KCNA5: variants seen among roughly 807,000 people sequenced by gnomAD.
KCNA5 encodes cardiac potassium channel.
Under a neutral mutation model 26.5 loss-of-function variants are expected in KCNA5, and 22 were observed. That is an observed-to-expected ratio of 0.83 (90% CI 0.59 to 1.18). The LOEUF (loss-of-function observed/expected upper bound fraction) is 1.18, where lower values mean the gene tolerates loss of function less well. Ranked by LOEUF, KCNA5 falls within the 50% of genes most tolerant of loss-of-function variation. KCNA5 has a pLI of 0.00. For missense variants in KCNA5, 916 were observed against 843.2 expected (o/e 1.09, Z -1.07); for synonymous variants, 465 against 372.8 (o/e 1.25, Z -2.85).
In KCNA5 at chr12:5,044,933, C is replaced by A; in HGVS notation, c.786C>A (p.Ile262=). 6.2e-7 allele frequency: 1 copy of A among 1,613,792 alleles called. No individual in the cohort carries two copies. Among genetic ancestry groups the A allele is most frequent in the Non-Finnish European group, 8.5e-7 (1 of 1,179,984 alleles). ...IAIVSVLVIL[I]SIITFCLETL... ...TCGTCTCGGTCTTGGTTATCCTCAT[C>A]TCCATCATCACCTTCTGCTTGGAGA... Residue 262 remains isoleucine (I), a synonymous_variant, in exon 1 of 1, where the codon ATC becomes ATA. Coordinates refer to ENST00000252321, the MANE Select transcript of KCNA5 (RefSeq NM_002234.4).
Position 5,045,797 on chromosome 12 carries a change from A to G in KCNA5, c.1650A>G (p.Arg550=), listed in dbSNP as rs762958451. 3 of 1,614,130 alleles carry G rather than the reference A, an allele frequency of 1.9e-6. No homozygotes were observed. In the East Asian group the frequency reaches 6.7e-5, roughly 36 times the overall value. ...AGAGCCAGGGGCCGGGGCTGGACAG[A>G]GGAGTCCAGCGGAAGGTCAGCGGGA... ...GTQSQGPGLD[R]GVQRKVSGSR... Residue 550 remains arginine (R), a synonymous_variant, in exon 1 of 1, where the codon AGA becomes AGG. Coordinates refer to ENST00000252321, the MANE Select transcript of KCNA5 (RefSeq NM_002234.4). The surrounding 1 kb of genome is among the most constrained non-coding windows in gnomAD (Gnocchi z 5.6).
chr12:5,044,558 C>T lies in KCNA5; in HGVS notation c.411C>T (p.Thr137=). The part of the protein sequence containing the change: ...SGLRFETQLG[T]LAQFPNTLLG... ...TGCGCTTTGAGACGCAGCTGGGCAC[C>T]CTGGCGCAGTTCCCCAACACACTCC... is the stretch of plus-strand genomic sequence containing the variant. The change falls in exon 1 of 1, where the codon ACC becomes ACT. Residue 137 remains threonine, a synonymous_variant. Transcript: ENST00000252321. The T allele has an allele frequency of 1.2e-6, 2 of 1,613,958 alleles. No homozygotes were observed. Among genetic ancestry groups the T allele is most frequent in the Non-Finnish European group, 1.7e-6 (2 of 1,180,022 alleles).
In KCNA5 at chr12:5,045,113, C is replaced by G. The variant is rs199525305; in HGVS notation, c.966C>G (p.Asp322Glu). The G allele has an allele frequency of 4.3e-6, 7 of 1,613,864 alleles. No individual in the cohort carries two copies. The highest frequency in any genetic ancestry group is 5.9e-6 in the Non-Finnish European group (7 of 1,179,914). The change falls in exon 1 of 1, where the codon GAC (aspartate) becomes GAG (glutamate). Residue 322 changes from aspartate to glutamate, a missense_variant. Transcript: ENST00000252321. This position sits in a 1 kb window ranked among gnomAD's most constrained non-coding sequence, Gnocchi z 5.6. ...VAPLLPRTLA[D>E]PFFIVETTCV... ...CGCTCCTGCCCAGGACCCTGGCCGA[C>G]CCCTTCTTCATCGTGGAGACCACGT... is the stretch of plus-strand genomic sequence containing the variant.
At position 5,045,635 on chromosome 12, in the gene KCNA5, G is replaced by A. The variant is rs765368941; in HGVS notation, c.1488G>A (p.Val496=). Residue 496 remains valine (V), a synonymous_variant, in exon 1 of 1, where the codon GTG becomes GTA. Coordinates refer to ENST00000252321, the MANE Select transcript of KCNA5 (RefSeq NM_002234.4). The surrounding 1 kb of genome is among the most constrained non-coding windows in gnomAD (Gnocchi z 5.6). ...CCATCACTGTTGGGGGCAAGATCGT[G>A]GGCTCGCTGTGTGCCATCGCCGGGG... The part of the protein sequence containing the change: ...MRPITVGGKI[V]GSLCAIAGVL... 2 of 1,614,190 alleles carry A rather than the reference G, an allele frequency of 1.2e-6. No individual in the cohort carries two copies. Among genetic ancestry groups the A allele is most frequent in the Non-Finnish European group, 8.5e-7 (1 of 1,180,026 alleles).
rs1591662447 is a variant in KCNA5, at chr12:5,046,125, T to G, written c.*136T>G. 19 of 1,083,156 alleles carry G rather than the reference T, an allele frequency of 1.8e-5. No individual in the cohort carries two copies. In the East Asian group the frequency reaches 4.9e-4, roughly 28 times the overall value. 67.1% of individuals were successfully genotyped at this position (1,083,156 alleles called of 1,614,324 possible). ...TACCCCTCTCCTTTCACTCCTTTCC[T>G]CCCTCCCTCGATCCCCCCATTTTCT... On this transcript the variant is annotated 3_prime_UTR_variant, in exon 1 of 1. Coordinates refer to ENST00000252321, the MANE Select transcript of KCNA5 (RefSeq NM_002234.4).
Position 5,045,590 on chromosome 12 carries a change from G to C in KCNA5, c.1443G>C (p.Val481=). The C allele has an allele frequency of 6.2e-7, 1 of 1,614,172 alleles. No individual in the cohort carries two copies. Among genetic ancestry groups the C allele is most frequent in the Middle Eastern group, 1.6e-4 (1 of 6,062 alleles). ...GGGCAGTGGTCACCATGACCACTGTGGGCTACGGGGACATGAGGCCCATCA... is the reference window on the plus strand; with the variant it reads ...GGGCAGTGGTCACCATGACCACTGTCGGCTACGGGGACATGAGGCCCATCA... ...FWWAVVTMTT[V]GYGDMRPITV... is the part of the protein sequence containing the mutation. The change falls in exon 1 of 1, where the codon GTG becomes GTC. Residue 481 remains valine, a synonymous_variant. Transcript: ENST00000252321. The surrounding 1 kb of genome is among the most constrained non-coding windows in gnomAD (Gnocchi z 5.6).
At position 5,044,611 on chromosome 12, in the gene KCNA5, A is replaced by G. The variant is rs202117321; in HGVS notation, c.464A>G (p.Tyr155Cys). 66 of 1,613,998 alleles carry G rather than the reference A, an allele frequency of 4.1e-5. No individual in the cohort carries two copies. Among genetic ancestry groups the G allele is most frequent in the Non-Finnish European group, 1.1e-5 (13 of 1,180,040 alleles). ...GGGGACCCCGCCAAGCGCCTGCGCT[A>G]CTTCGACCCCCTGAGGAACGAGTAC... Reference protein sequence around the residue: ...LLGDPAKRLRYFDPLRNEYFF... With the variant: ...LLGDPAKRLRCFDPLRNEYFF... The change falls in exon 1 of 1, where the codon TAC becomes TGC. Residue 155 changes from tyrosine to cysteine, a missense_variant. Physicochemically the swap from Tyr to Cys is radical, Grantham distance 194. Coordinates refer to ENST00000252321, the MANE Select transcript of KCNA5 (RefSeq NM_002234.4).
Position 5,045,124 on chromosome 12 carries a change from T to C in KCNA5, c.977T>C (p.Ile326Thr). 1 of 1,614,012 alleles carries C rather than the reference T, an allele frequency of 6.2e-7. No homozygotes were observed. Among genetic ancestry groups the C allele is most frequent in the Non-Finnish European group, 8.5e-7 (1 of 1,180,000 alleles). Residue 326 changes from isoleucine (I) to threonine (T), a missense_variant, in exon 1 of 1, where the codon ATC (isoleucine) becomes ACC (threonine). By Grantham distance (89) the Ile-to-Thr change is moderately conservative (BLOSUM62 -1). Coordinates refer to ENST00000252321, the MANE Select transcript of KCNA5 (RefSeq NM_002234.4). This position sits in a 1 kb window ranked among gnomAD's most constrained non-coding sequence, Gnocchi z 5.6. ...LPRTLADPFF[I>T]VETTCVIWFT... The stretch of plus-strand genomic sequence containing the variant: ...AGGACCCTGGCCGACCCCTTCTTCA[T>C]CGTGGAGACCACGTGCGTCATCTGG...
Position 5,044,070 on chromosome 12 carries a change from G to T in KCNA5, c.-78G>T, listed in dbSNP as rs533669565. 4.0e-6 allele frequency: 6 copies of T among 1,496,212 alleles called. No individual in the cohort carries two copies. In the East Asian group the frequency reaches 9.8e-5, roughly 25 times the overall value. 92.7% of individuals were successfully genotyped at this position (1,496,212 alleles called of 1,614,324 possible). A position where few individuals can be genotyped will look rare whatever the true frequency, so the allele number is the denominator to read the frequency against. On this transcript the variant is annotated 5_prime_UTR_variant, in exon 1 of 1. Transcript: ENST00000252321. ...GCCGACCGCTGGAGCGGAGCCTGAC[G>T]CCAGGCGCCCGCGGAGCGTGAGTAG... is the stretch of plus-strand genomic sequence containing the variant.
chr12:5,045,963 G>C lies in KCNA5; in HGVS notation c.1816G>C (p.Asp606His). Residue 606 changes from aspartate to histidine, a missense_variant, in exon 1 of 1, where the codon GAC becomes CAC. Physicochemically the swap from Asp to His is moderately conservative, Grantham distance 81. Transcript: ENST00000252321. The surrounding 1 kb of genome is among the most constrained non-coding windows in gnomAD (Gnocchi z 5.6). Reference sequence around the variant, plus strand: ...GAGGTCCCTTTATGCCCTCTGCCTGGACACCAGCCGGGAAACAGATTTGTG... The same window carrying C: ...GAGGTCCCTTTATGCCCTCTGCCTGCACACCAGCCGGGAAACAGATTTGTG... Reference protein sequence around the residue: ...LRRSLYALCLDTSRETDL With the variant: ...LRRSLYALCLHTSRETDL 3 of 1,613,466 alleles carry C rather than the reference G, an allele frequency of 1.9e-6. No individual in the cohort carries two copies. Among genetic ancestry groups the C allele is most frequent in the Non-Finnish European group, 2.5e-6 (3 of 1,180,030 alleles).
In KCNA5 at chr12:5,045,693, G is replaced by A. The variant is rs776978070; in HGVS notation, c.1546G>A (p.Val516Ile). The A allele has an allele frequency of 4.3e-6, 7 of 1,614,004 alleles. No individual in the cohort carries two copies. The highest frequency in any genetic ancestry group is 2.2e-5 in the South Asian group (2 of 91,086). Residue 516 changes from valine to isoleucine, a missense_variant, in exon 1 of 1, where the codon GTC becomes ATC. Val to Ile is a conservative substitution (Grantham distance 29). Coordinates refer to ENST00000252321, the MANE Select transcript of KCNA5 (RefSeq NM_002234.4). This position sits in a 1 kb window ranked among gnomAD's most constrained non-coding sequence, Gnocchi z 5.6. Reference sequence around the variant, plus strand: ...CATTGCCCTGCCTGTGCCCGTCATCGTCTCCAACTTCAACTACTTCTACCA... The same window carrying A: ...CATTGCCCTGCCTGTGCCCGTCATCATCTCCAACTTCAACTACTTCTACCA... ...LTIALPVPVIVSNFNYFYHRE... is the reference protein window; with the variant it reads ...LTIALPVPVIISNFNYFYHRE...
rs1309081825 is a variant in KCNA5 at position 5,044,234 on chromosome 12, C to T, written c.87C>T (p.Ala29=). ...GDEARAGCGQ[A]TGGELQCPPT... ...AGGCCCGGGCAGGCTGCGGCCAGGCCACAGGGGGAGAGCTCCAGTGTCCCC... is the reference window on the plus strand; with the variant it reads ...AGGCCCGGGCAGGCTGCGGCCAGGCTACAGGGGGAGAGCTCCAGTGTCCCC... The change falls in exon 1 of 1, where the codon GCC becomes GCT. Residue 29 remains alanine (A), a synonymous_variant. Transcript: ENST00000252321. The T allele has an allele frequency of 3.9e-6, 6 of 1,538,548 alleles. No individual in the cohort carries two copies. The South Asian group carries it at 7.1e-5, about 18-fold the overall frequency.
rs775973056 is a variant in KCNA5 at position 5,045,843 on chromosome 12, GCT to G, written c.1697_1698del (p.Ala566GlyfsTer21). On this transcript the variant is annotated frameshift_variant, in exon 1 of 1. Coordinates refer to ENST00000252321, the MANE Select transcript of KCNA5 (RefSeq NM_002234.4). LOFTEE classifies it high-confidence loss of function. The surrounding 1 kb of genome is among the most constrained non-coding windows in gnomAD (Gnocchi z 5.6). The stretch of plus-strand genomic sequence containing the variant: ...CGGGAGCAGGGGATCCTTCTGCAAG[GCT>G]GGGGGGACCCTGGAGAATGCAGACA... ...VSGSRGSFCK[A>X]GGTLENADSA... 5.6e-6 allele frequency: 9 copies of G among 1,614,046 alleles called. No individual in the cohort carries two copies. The highest frequency in any genetic ancestry group is 7.6e-6 in the Non-Finnish European group (9 of 1,180,014).
In KCNA5 at chr12:5,044,705, G is replaced by A. The variant is rs778119687; in HGVS notation, c.558G>A (p.Arg186=). 1.9e-6 allele frequency: 3 copies of A among 1,614,056 alleles called. No homozygotes were observed. Among genetic ancestry groups the A allele is most frequent in the East Asian group, 2.2e-5 (1 of 44,858 alleles). ...LYYYQSGGRL[R]RPVNVSLDVF... The stretch of plus-strand genomic sequence containing the variant: ...ACTACCAGTCCGGGGGCCGCCTGCG[G>A]AGGCCGGTCAACGTCTCCCTGGACG... Residue 186 remains arginine (R), a synonymous_variant, in exon 1 of 1, where the codon CGG becomes CGA. Coordinates refer to ENST00000252321, the MANE Select transcript of KCNA5 (RefSeq NM_002234.4).
In KCNA5 at chr12:5,046,555, T is replaced by C. The variant is rs904051089; in HGVS notation, c.*566T>C. The C allele has an allele frequency of 2.2e-5, 4 of 179,758 alleles. No individual in the cohort carries two copies. Among genetic ancestry groups the C allele is most frequent in the Non-Finnish European group, 5.4e-5 (4 of 74,634 alleles). The allele number at this position is 179,758 out of a possible 1,614,324, so 11.1% of individuals were successfully genotyped here. A position where few individuals can be genotyped will look rare whatever the true frequency, so the allele number is the denominator to read the frequency against. The stretch of plus-strand genomic sequence containing the variant: ...TAGAGTCAGAGATCTTGGTATGGGC[T>C]GTTCTGTTTCCTGTGTCTCCAAGCC... On this transcript the variant is annotated 3_prime_UTR_variant, in exon 1 of 1. Coordinates refer to ENST00000252321, the MANE Select transcript of KCNA5 (RefSeq NM_002234.4).
chr12:5,046,739 A>G lies in KCNA5; in HGVS notation c.*750A>G, dbSNP rs986838587. On this transcript the variant is annotated 3_prime_UTR_variant, in exon 1 of 1. Coordinates refer to ENST00000252321, the MANE Select transcript of KCNA5 (RefSeq NM_002234.4). ...ATTGGAGGAATACTTCTGATAATTT[A>G]TTGTCTTTATTTTTATCCCAGGAAA... The G allele has an allele frequency of 2.5e-5, 4 of 161,794 alleles. No homozygotes were observed. The highest frequency in any genetic ancestry group is 9.7e-5 in the African/African-American group (4 of 41,444). The allele number at this position is 161,794 out of a possible 1,614,324, so 10.0% of individuals were successfully genotyped here.
rs1187758609 is a variant in KCNA5 at position 5,045,026 on chromosome 12, G to A, written c.879G>A (p.Ala293=). 2 of 1,612,468 alleles carry A rather than the reference G, an allele frequency of 1.2e-6. No individual in the cohort carries two copies. The highest frequency in any genetic ancestry group is 1.7e-5 in the Admixed American group (1 of 59,992). Reference sequence around the variant, plus strand: ...CTCCGGCGCCCCACCAGCCTCCCGCGCCCGCCCCTGGGGCCAACGGCAGCG... The same window carrying A: ...CTCCGGCGCCCCACCAGCCTCCCGCACCCGCCCCTGGGGCCAACGGCAGCG... ...RHPPAPHQPP[A]PAPGANGSGV... Residue 293 remains alanine, a synonymous_variant, in exon 1 of 1, where the codon GCG becomes GCA. Coordinates refer to ENST00000252321, the MANE Select transcript of KCNA5 (RefSeq NM_002234.4). This position sits in a 1 kb window ranked among gnomAD's most constrained non-coding sequence, Gnocchi z 5.6.
In KCNA5 at chr12:5,045,197, A is replaced by G. The variant is rs1168042499; in HGVS notation, c.1050A>G (p.Ala350=). The change falls in exon 1 of 1, where the codon GCA becomes GCG. Residue 350 remains alanine, a synonymous_variant. Coordinates refer to ENST00000252321, the MANE Select transcript of KCNA5 (RefSeq NM_002234.4). The surrounding 1 kb of genome is among the most constrained non-coding windows in gnomAD (Gnocchi z 5.6). ...LVRFFACPSK[A]GFSRNIMNII... ...GCTTCTTCGCCTGCCCCAGCAAGGC[A>G]GGGTTCTCCCGGAACATCATGAACA... is the stretch of plus-strand genomic sequence containing the variant. 4 of 1,614,066 alleles carry G rather than the reference A, an allele frequency of 2.5e-6. No homozygotes were observed. The highest frequency in any genetic ancestry group is 2.5e-6 in the Non-Finnish European group (3 of 1,180,038).
Position 5,044,063 on chromosome 12 carries a change from G to GC in KCNA5, c.-83dup. The GC allele has an allele frequency of 3.4e-6, 5 of 1,465,168 alleles. No individual in the cohort carries two copies. The highest frequency in any genetic ancestry group is 4.6e-6 in the Non-Finnish European group (5 of 1,086,700). The allele number at this position is 1,465,168 out of a possible 1,614,324, so 90.8% of individuals were successfully genotyped here. A position where few individuals can be genotyped will look rare whatever the true frequency, so the allele number is the denominator to read the frequency against. On this transcript the variant is annotated 5_prime_UTR_variant, in exon 1 of 1. Coordinates refer to ENST00000252321, the MANE Select transcript of KCNA5 (RefSeq NM_002234.4). ...GGGGCCGGCCGACCGCTGGAGCGGAGCCTGACGCCAGGCGCCCGCGGAGCG... is the reference window on the plus strand; with the variant it reads ...GGGGCCGGCCGACCGCTGGAGCGGAGCCCTGACGCCAGGCGCCCGCGGAGCG...
Sources: gnomAD v4.1 joint callset for allele counts on GRCh38, gnomAD v4.1.1 for gene constraint, Gnocchi (gnomAD v3.1) non-coding constraint, MANE v1.5 for transcripts, NCBI Gene and HGNC (gene_info 2026-07-23, HGNC 2026-07-21) for gene names.